Variants in ABCA12 observed in about 807,000 individuals in gnomAD.
ABCA12 encodes the protein glucosylceramide transporter ABCA12.
A neutral mutation model predicts 293.5 loss-of-function variants in ABCA12; 156 were observed. The observed-to-expected ratio is 0.53, with a 90% CI of 0.47 to 0.61. ABCA12 has a LOEUF of 0.61. Among genes scored for constraint, ABCA12 ranks in the 20% least tolerant of loss-of-function variants. The pLI, the probability that ABCA12 is intolerant of heterozygous loss-of-function variation, is 0.00. For missense variants in ABCA12, 2,797 were observed against 3,090.2 expected (o/e 0.91, Z 2.25); for synonymous variants, 1,063 against 1,108.0 (o/e 0.96, Z 0.81).
intron 51 of ABCA12, among the ~76,000 whole-genome samples, chr2:214,936,030 G>A (rs1698207538): frequency 6.6e-6 from 1 of 152,146 alleles, no homozygotes; most frequent in Admixed American, 6.6e-5. Context: ...TTGTGAAGTA[G>A]ATGTTACTGT....
In ABCA12 at chr2:214,959,057, G is replaced by A; in HGVS notation, c.5906C>T (p.Pro1969Leu). ...TTCTTGGTCTTGCACTCCTGGATAA[G>A]GATGGCTATACATGATGATGCCTTA... ...ARHGIIMYSH[P>L]YPGVQDQEQA... Residue 1969 changes from proline (P) to leucine (L), a missense_variant, in exon 40 of 53, where the codon CCT (proline) becomes CTT (leucine). Around this residue, in one of 3 missense-constraint regions of ABCA12, gnomAD observed 2,130 missense variants for 2,427.0 expected, o/e 0.88. Transcript: ENST00000272895. The A allele has an allele frequency of 6.2e-7, 1 of 1,613,834 alleles. No individual in the cohort carries two copies. The highest frequency in any genetic ancestry group is 8.5e-7 in the Non-Finnish European group (1 of 1,179,780).
intron 2 of ABCA12, among the ~76,000 whole-genome samples, chr2:215,098,366 G>C (rs2106114162): frequency 6.6e-6 from 1 of 152,272 alleles, no homozygotes; most frequent in East Asian, 1.9e-4. Context: ...TCAAACTCCA[G>C]GAGTTCCATC....
At chr2:214,966,025 T>A (rs936313659) in intron 39 of ABCA12, among the ~76,000 whole-genome samples, 1 of 152,166 alleles carries the variant, frequency 6.6e-6, no homozygotes, top group Admixed American at 6.5e-5. Flanking sequence ...TAAAATGTGG[T>A]ACACATACAC....
intron 10 of ABCA12, 116 bp from the exon 11 acceptor site, chr2:215,025,895 A>G (rs1700735214): frequency 1.4e-6 from 1 of 696,824 alleles, no homozygotes. Flanking sequence ...ATAATAGCCT[A>G]CCTCAATACA....
intron 17 of ABCA12, among the ~76,000 whole-genome samples, chr2:215,010,848 G>A (rs1700356396): frequency 6.6e-6 from 1 of 152,104 alleles, no homozygotes; most frequent in Admixed American, 6.6e-5. Flanking sequence ...TAAATGCTTG[G>A]TGAATGAATA....
At position 215,018,164 on chromosome 2, in the gene ABCA12, A is replaced by T. The variant is rs761367298; in HGVS notation, c.1658-32T>A. ...GAAGAAAAATGTAAAAAGAAAACCC[A>T]TGTTGGTTTGTCAGGTCACTCTTTT... On this transcript the variant is annotated intron_variant, in intron 13 of 52. Coordinates refer to ENST00000272895, the MANE Select transcript of ABCA12 (RefSeq NM_173076.3). 5.0e-6 allele frequency: 8 copies of T among 1,601,182 alleles called. No individual in the cohort carries two copies. In the East Asian group the frequency reaches 1.8e-4, roughly 36 times the overall value.
At chr2:215,052,409 C>T in intron 5 of ABCA12, 78 bp downstream of exon 5, 2 of 1,206,614 alleles carry the variant, frequency 1.7e-6, no homozygotes, top group South Asian at 2.5e-5. Context: ...AAACATCTTG[C>T]TATTTGAGAG....
At chr2:215,077,928 G>A (rs997879552) in intron 2 of ABCA12, among the ~76,000 whole-genome samples, 4 of 152,090 alleles carry the variant, frequency 2.6e-5, no homozygotes, top group Non-Finnish European at 4.4e-5. Flanking sequence ...CACAAAAAAC[G>A]TAAAGCACTA....
chr2:215,063,828 T>C (rs1035661721), intron 3 of ABCA12, among the ~76,000 whole-genome samples: 10 of 151,976 alleles, frequency 6.6e-5, no homozygotes, highest in South Asian at 2.1e-4. Context: ...AGGACTACTT[T>C]AGTCACCCAT....
rs1701341323 is a variant in ABCA12 at position 215,052,566 on chromosome 2, G to C, written c.428C>G (p.Pro143Arg). ...TCCGGGGATTTCCAAATCAGAACTT[G>C]GACTGGGAAATACTGTGGCTGTAAT... is the stretch of plus-strand genomic sequence containing the variant. Reference protein sequence around the residue: ...HASLATVFPSPSSDLEIPGTY... With the variant: ...HASLATVFPSRSSDLEIPGTY... Residue 143 changes from proline to arginine, a missense_variant, in exon 5 of 53, where the codon CCA becomes CGA. Physicochemically the swap from Pro to Arg is moderately radical, Grantham distance 103 (BLOSUM62 -2). This residue lies in a region of ABCA12 where 656 missense variants were observed against 638.2 expected (regional missense o/e 1.03). Transcript: ENST00000272895. 6.2e-7 allele frequency: 1 copy of C among 1,612,130 alleles called. No individual in the cohort carries two copies.
At position 214,947,485 on chromosome 2, in the gene ABCA12, A is replaced by G. The variant is rs764302965; in HGVS notation, c.7176T>C (p.Tyr2392=). The change falls in exon 48 of 53, where the codon TAT becomes TAC. Residue 2392 remains tyrosine (Y), a synonymous_variant. Transcript: ENST00000272895. ...CAGTGGATAATTTTCTTTTTGTGCCATAACTGCACATAGAGGTAGCTCTGT... is the reference window on the plus strand; with the variant it reads ...CAGTGGATAATTTTCTTTTTGTGCCGTAACTGCACATAGAGGTAGCTCTGT... ...FKDRATSMCS[Y]GTKRKLSTAL... 8.1e-6 allele frequency: 13 copies of G among 1,613,912 alleles called. No homozygotes were observed. In the East Asian group the frequency reaches 8.9e-5, roughly 11 times the overall value.
At chr2:215,101,655 T>G (rs1248211235) in intron 2 of ABCA12, among the ~76,000 whole-genome samples, 1 of 152,180 alleles carries the variant, frequency 6.6e-6, no homozygotes, top group African/African-American at 2.4e-5. Flanking sequence ...TTGGACAGTA[T>G]GAAATTAGAG....
chr2:214,948,781 T>C (rs1323202330), intron 46 of ABCA12, 44 bp from the exon 47 acceptor site: 4 of 1,613,010 alleles, frequency 2.5e-6, no homozygotes, highest in Non-Finnish European at 3.4e-6. Context: ...TCAAAAGATT[T>C]ATCCCTCCTG....
chr2:215,039,572 A>G (rs1190386672), intron 7 of ABCA12, among the ~76,000 whole-genome samples: 3 of 152,064 alleles, frequency 2.0e-5, no homozygotes, highest in Non-Finnish European at 4.4e-5. Flanking sequence ...TGGCTAACAC[A>G]GTGAGACACC....
intron 2 of ABCA12, among the ~76,000 whole-genome samples, chr2:215,087,596 T>C (rs796632845): frequency 3.1e-4 from 47 of 152,184 alleles, no homozygotes; most frequent in African/African-American, 1.1e-3. Context: ...TCAATTGGCA[T>C]GATTCTTCTT....
chr2:215,069,339 A>G (rs1366921061), intron 2 of ABCA12, among the ~76,000 whole-genome samples: 1 of 152,122 alleles, frequency 6.6e-6, no homozygotes, highest in African/African-American at 2.4e-5. Context: ...GGGACTTAAC[A>G]CCATATCAAG....
chr2:214,936,141 T>G (rs1439187234), intron 51 of ABCA12, among the ~76,000 whole-genome samples: 1 of 152,136 alleles, frequency 6.6e-6, no homozygotes, highest in East Asian at 1.9e-4. Context: ...AATAAACAAT[T>G]TATAAGCTTT....
Position 215,015,669 on chromosome 2 carries a change from A to G in ABCA12, c.1783-6T>C, listed in dbSNP as rs1700478111. On this transcript the variant is annotated splice_region_variant and splice_polypyrimidine_tract_variant and intron_variant, in intron 14 of 52. Coordinates refer to ENST00000272895, the MANE Select transcript of ABCA12 (RefSeq NM_173076.3). ...CAGAACACCTGAGAAATAATCTGCAAATGGAGGAAGAAAAATATTTCAACT... is the reference window on the plus strand; with the variant it reads ...CAGAACACCTGAGAAATAATCTGCAGATGGAGGAAGAAAAATATTTCAACT... The G allele has an allele frequency of 6.2e-7, 1 of 1,613,496 alleles. No homozygotes were observed. Among genetic ancestry groups the G allele is most frequent in the Non-Finnish European group, 8.5e-7 (1 of 1,179,464 alleles).
intron 22 of ABCA12, among the ~76,000 whole-genome samples, chr2:215,000,124 A>G (rs1700111843): frequency 6.6e-6 from 1 of 152,190 alleles, no homozygotes; most frequent in Admixed American, 6.5e-5. Context: ...TAAAAGCATT[A>G]TTGTTACTTT....
Sources: gnomAD v4.1 joint callset for allele counts (sites outside exome capture counted in the v4.1 genomes callset) on GRCh38, gnomAD v4.1.1 for gene constraint, gnomAD v4.1.1 regional missense constraint, MANE v1.5 for transcripts, NCBI Gene and HGNC (gene_info 2026-07-23, HGNC 2026-07-21) for gene names.